Variants in RIMS1 observed in about 807,000 individuals in gnomAD.
RIMS1 encodes regulating synaptic membrane exocytosis protein 1.
RIMS1 carries 83 observed loss-of-function variants against 214.1 expected under a neutral mutation model. The ratio of observed to expected loss-of-function variants is 0.39; its 90% CI spans 0.32 to 0.47. The LOEUF (loss-of-function observed/expected upper bound fraction) is 0.47, where lower values mean the gene tolerates loss of function less well. RIMS1 is among the 20% of genes least tolerant of loss of function. RIMS1 has a pLI of 0.99. For synonymous variants in RIMS1, 793 were observed against 786.8 expected, an observed-to-expected ratio of 1.01 and a Z score of -0.13; for missense variants, 2,050 against 2,161.8, an observed-to-expected ratio of 0.95 and a Z score of 1.03.
rs1376753462 is a variant in RIMS1, at chr6:72,275,164, A to G, written c.3482+732A>G. Among the ~76,000 whole-genome samples, 3 of 24,282 alleles carry G rather than the reference A, an allele frequency of 1.2e-4. 1 individual carries two copies. The highest frequency in any genetic ancestry group is 4.3e-3 in the East Asian group (2 of 466). The allele number at this position is 24,282 out of a possible 152,430, so 15.9% of individuals were successfully genotyped here. A position where few individuals can be genotyped will look rare whatever the true frequency, so the allele number is the denominator to read the frequency against. On this transcript the variant is annotated intron_variant, in intron 23 of 33. Coordinates refer to ENST00000521978, the MANE Select transcript of RIMS1 (RefSeq NM_014989.7). ...TATATATATATATATATATATATATATATATATATATATATATGCTTTATC... is the reference window on the plus strand; with the variant it reads ...TATATATATATATATATATATATATGTATATATATATATATATGCTTTATC...
intron 28 of RIMS1, among the ~76,000 whole-genome samples, chr6:72,322,888 T>C (rs1188805805): frequency 6.6e-6 from 1 of 152,042 alleles, no homozygotes; most frequent in African/African-American, 2.4e-5. Context: ...GCTATAGAAT[T>C]CCTTCATACG....
chr6:71,924,458 G>C (rs1286837107), intron 1 of RIMS1, among the ~76,000 whole-genome samples: 1 of 151,726 alleles, frequency 6.6e-6, no homozygotes, highest in East Asian at 1.9e-4. Context: ...ATAAAGATTT[G>C]TTCCTGTCTC....
intron 1 of RIMS1, among the ~76,000 whole-genome samples, chr6:71,894,589 G>A (rs750221669): frequency 6.6e-6 from 1 of 152,192 alleles, no homozygotes; most frequent in Non-Finnish European, 1.5e-5. Context: ...CTGTCTTTAT[G>A]AGAATTCTCC....
intron 2 of RIMS1, among the ~76,000 whole-genome samples, chr6:72,020,298 C>G (rs1186765286): frequency 6.6e-6 from 1 of 152,128 alleles, no homozygotes; most frequent in African/African-American, 2.4e-5. Flanking sequence ...TTGCAAAATC[C>G]TTTTCAAATA....
intron 29 of RIMS1, among the ~76,000 whole-genome samples, chr6:72,344,529 C>T (rs768384338): frequency 6.6e-6 from 1 of 151,676 alleles, no homozygotes; most frequent in Non-Finnish European, 1.5e-5. Context: ...TTATTTGTGC[C>T]TTATTGCCTC....
At chr6:72,395,014 A>C (rs2098756813) in intron 31 of RIMS1, among the ~76,000 whole-genome samples, 1 of 152,074 alleles carries the variant, frequency 6.6e-6, no homozygotes, top group Non-Finnish European at 1.5e-5. Context: ...ATAGTGACTT[A>C]AAATTTAAAA....
At chr6:72,313,240 A>T (rs2095600759) in intron 27 of RIMS1, among the ~76,000 whole-genome samples, 1 of 152,236 alleles carries the variant, frequency 6.6e-6, no homozygotes, top group Admixed American at 6.5e-5. Flanking sequence ...AATATGTACA[A>T]ATAATTTAAT....
intron 1 of RIMS1, among the ~76,000 whole-genome samples, chr6:71,906,540 A>T (rs1292149191): frequency 6.6e-6 from 1 of 152,198 alleles, no homozygotes. Context: ...AAAGTTAACT[A>T]TTATTACAAC....
At chr6:72,016,417 AT>A (rs1812777425) in intron 2 of RIMS1, among the ~76,000 whole-genome samples, 1 of 151,600 alleles carries the variant, frequency 6.6e-6, no homozygotes, top group African/African-American at 2.4e-5. Context: ...ACCTTCTGGG[AT>A]TTTAGTATTT....
intron 6 of RIMS1, among the ~76,000 whole-genome samples, chr6:72,221,912 G>A (rs2058582836): frequency 6.6e-6 from 1 of 151,888 alleles, no homozygotes; most frequent in Admixed American, 6.6e-5. Context: ...AGGTGAAATA[G>A]AATGATTTTA....
intron 2 of RIMS1, among the ~76,000 whole-genome samples, chr6:72,001,539 T>C (rs986500859): frequency 1.3e-5 from 2 of 152,142 alleles, no homozygotes; most frequent in Non-Finnish European, 2.9e-5. Context: ...ATGTGCTCTT[T>C]GTTAGGGAAG....
chr6:72,271,286 A>ATATATATATATATATAT (rs1554403465), intron 22 of RIMS1, among the ~76,000 whole-genome samples: 7 of 44,368 alleles, frequency 1.6e-4, no homozygotes, highest in Admixed American at 3.3e-4. Context: ...AAAAAAAAAA[A>ATATATATATATATATAT]ATATATATAT....
At chr6:72,086,900 G>A (rs761900301) in intron 2 of RIMS1, among the ~76,000 whole-genome samples, 9 of 152,108 alleles carry the variant, frequency 5.9e-5, no homozygotes, top group Non-Finnish European at 1.2e-4. Context: ...GGAAACCATC[G>A]GCAGGAAGCC....
At chr6:71,992,404 C>CTCTCTCTT (rs1252103778) in intron 2 of RIMS1, among the ~76,000 whole-genome samples, 2,035 of 110,050 alleles carry the variant, frequency 0.018, 25 homozygotes, top group Non-Finnish European at 0.028. Flanking sequence ...TTCTCTCTCT[C>CTCTCTCTT]TCTTTCTTTC....
intron 6 of RIMS1, among the ~76,000 whole-genome samples, chr6:72,224,981 C>T (rs2059750038): frequency 6.6e-6 from 1 of 152,150 alleles, no homozygotes; most frequent in African/African-American, 2.4e-5. Context: ...AAAATGTTCT[C>T]CAAACTTCTG....
At position 72,052,023 on chromosome 6, in the gene RIMS1, C is replaced by T. The variant is rs188550144; in HGVS notation, c.246-44926C>T. On this transcript the variant is annotated intron_variant, in intron 2 of 33. Transcript: ENST00000521978. Reference sequence around the variant, plus strand: ...ACTCTTCATGATATATTATGCTTTGCGAAAATTTCACAATCAATGGCAAAT... The same window carrying T: ...ACTCTTCATGATATATTATGCTTTGTGAAAATTTCACAATCAATGGCAAAT... Among the ~76,000 whole-genome samples, 13 of 152,158 alleles carry T rather than the reference C, an allele frequency of 8.5e-5. No individual in the cohort carries two copies. In the East Asian group the frequency reaches 1.5e-3, roughly 18 times the overall value.
chr6:71,930,591 TA>T (rs576074227), intron 1 of RIMS1, among the ~76,000 whole-genome samples: 203 of 152,158 alleles, frequency 1.3e-3, no homozygotes, highest in Admixed American at 2.3e-3. Context: ...CAGGCTCCTT[TA>T]ATTTCTTTTC....
At chr6:72,291,888 C>G (rs1028552951) in intron 25 of RIMS1, 46 bp from the exon 26 acceptor site, 30 of 1,398,022 alleles carry the variant, frequency 2.1e-5, no homozygotes, top group Admixed American at 3.9e-5. Flanking sequence ...TGTCAGACCA[C>G]ATTGGAATTT....
intron 1 of RIMS1, among the ~76,000 whole-genome samples, chr6:71,948,166 C>G: frequency 6.6e-6 from 1 of 152,064 alleles, no homozygotes; most frequent in Admixed American, 6.6e-5. Flanking sequence ...TCATTTAGTT[C>G]ATTTCTCCAG....
Sources: gnomAD v4.1 joint callset for allele counts (sites outside exome capture counted in the v4.1 genomes callset) on GRCh38, gnomAD v4.1.1 for gene constraint, MANE v1.5 for transcripts, NCBI Gene and HGNC (gene_info 2026-07-23, HGNC 2026-07-21) for gene names.